CACNA2D2: variants seen among roughly 807,000 people sequenced by gnomAD.
CACNA2D2 encodes calcium voltage-gated channel auxiliary subunit alpha2delta 2.
In CACNA2D2, 48 loss-of-function variants were observed where a neutral mutation model predicts 166.4. The observed-to-expected ratio is 0.29, with a 90% confidence interval of 0.23 to 0.37. The LOEUF (loss-of-function observed/expected upper bound fraction) is 0.37, where lower values mean the gene tolerates loss of function less well. Among genes scored for constraint, CACNA2D2 ranks in the 10% least tolerant of loss-of-function variants. The pLI, the probability that CACNA2D2 is intolerant of heterozygous loss-of-function variation, is 1.00. For missense variants in CACNA2D2, 1,122 were observed against 1,433.0 expected, an observed-to-expected ratio of 0.78 and a Z score of 3.50; for synonymous variants, 561 against 573.7, an observed-to-expected ratio of 0.98 and a Z score of 0.32.
At chr3:50,469,796 A>G (rs1272259040) in intron 2 of CACNA2D2, among the ~76,000 whole-genome samples, 4 of 152,074 alleles carry the variant, frequency 2.6e-5, no homozygotes, top group Non-Finnish European at 4.4e-5. Flanking sequence ...CTAGGTTCAA[A>G]CCCAAATCCA....
intron 2 of CACNA2D2, among the ~76,000 whole-genome samples, chr3:50,474,434 G>C (rs1710225013): frequency 6.6e-6 from 1 of 152,144 alleles, no homozygotes; most frequent in South Asian, 2.1e-4. Context: ...GCTCACCCAG[G>C]GGCACATGAT....
intron 2 of CACNA2D2, among the ~76,000 whole-genome samples, chr3:50,442,254 T>G (rs1353745954): frequency 3.9e-5 from 6 of 152,092 alleles, no homozygotes; most frequent in Non-Finnish European, 8.8e-5. Flanking sequence ...GGGGGCACAC[T>G]CCAGTGTCCC....
Position 50,375,544 on chromosome 3 carries a change from C to T in CACNA2D2, c.1907+100G>A. ...TGAGCAGCCCTGGCCACTGGTGCCC[C>T]ACTGGGATGGTGGTCACAGTGGGAG... On this transcript the variant is annotated intron_variant, in intron 21 of 37. Transcript: ENST00000424201. This position sits in a 1 kb window ranked among gnomAD's most constrained non-coding sequence, Gnocchi z 4.0. 1 of 1,282,164 alleles carries T rather than the reference C, an allele frequency of 7.8e-7. No individual in the cohort carries two copies. The allele number at this position is 1,282,164 out of a possible 1,614,324, so 79.4% of individuals were successfully genotyped here. A position where few individuals can be genotyped will look rare whatever the true frequency, so the allele number is the denominator to read the frequency against.
At chr3:50,498,368 G>A (rs1698810784) in intron 1 of CACNA2D2, among the ~76,000 whole-genome samples, 3 of 152,202 alleles carry the variant, frequency 2.0e-5, no homozygotes, top group African/African-American at 4.8e-5. Flanking sequence ...ACTGCCAAGG[G>A]ACTAAAGGAG....
chr3:50,366,021 C>T lies in CACNA2D2; in HGVS notation c.2852G>A (p.Gly951Asp), dbSNP rs756463697. The change falls in exon 32 of 38, where the codon GGT (glycine) becomes GAT (aspartate). Residue 951 changes from glycine to aspartate, a missense_variant. Around this residue, in one of 2 missense-constraint regions of CACNA2D2, gnomAD observed 282 missense variants for 266.2 expected, o/e 1.06. Coordinates refer to ENST00000424201, the MANE Select transcript of CACNA2D2 (RefSeq NM_006030.4). The surrounding 1 kb of genome is among the most constrained non-coding windows in gnomAD (Gnocchi z 5.9). ...TCTCTGGGGACTCACCACAAAGACA[C>T]CCCGGGGTGCAGCACCCAGGTTGCC... ...PPGNLGAAPR[G>D]VFVPTVADFL... The T allele has an allele frequency of 1.2e-6, 2 of 1,612,378 alleles. No individual in the cohort carries two copies. The highest frequency in any genetic ancestry group is 1.7e-6 in the Non-Finnish European group (2 of 1,179,500).
At chr3:50,432,504 G>A (rs1387431089) in intron 3 of CACNA2D2, among the ~76,000 whole-genome samples, 4 of 152,254 alleles carry the variant, frequency 2.6e-5, no homozygotes, top group Non-Finnish European at 4.4e-5. Flanking sequence ...GAAGGAAGTG[G>A]GGTGGAGACA....
chr3:50,372,020 C>T (rs1256349021), intron 22 of CACNA2D2, among the ~76,000 whole-genome samples: 1 of 151,466 alleles, frequency 6.6e-6, no homozygotes, highest in Admixed American at 6.6e-5. Flanking sequence ...TTCTTGGGTG[C>T]CCCTGCTTCC....
intron 3 of CACNA2D2, among the ~76,000 whole-genome samples, chr3:50,424,970 G>A (rs1707740991): frequency 6.6e-6 from 1 of 152,120 alleles, no homozygotes; most frequent in Non-Finnish European, 1.5e-5. Context: ...CAGCACCCCT[G>A]TAAGCCAAGG....
Position 50,380,975 on chromosome 3 carries a change from G to A in CACNA2D2, c.784+20C>T. 2 of 1,613,264 alleles carry A rather than the reference G, an allele frequency of 1.2e-6. No homozygotes were observed. The highest frequency in any genetic ancestry group is 2.2e-5 in the South Asian group (2 of 91,012). Reference sequence around the variant, plus strand: ...AAAGGCGAGGTGCTGGGTAGACAGGGGACAGGGGCTGGTACCTACCCGGGT... The same window carrying A: ...AAAGGCGAGGTGCTGGGTAGACAGGAGACAGGGGCTGGTACCTACCCGGGT... On this transcript the variant is annotated intron_variant, in intron 7 of 37. Coordinates refer to ENST00000424201, the MANE Select transcript of CACNA2D2 (RefSeq NM_006030.4). The surrounding 1 kb of genome is among the most constrained non-coding windows in gnomAD (Gnocchi z 4.9).
chr3:50,372,851 C>T (rs996184579), intron 22 of CACNA2D2, among the ~76,000 whole-genome samples: 4 of 151,956 alleles, frequency 2.6e-5, no homozygotes, highest in African/African-American at 9.7e-5. Context: ...CGCCGGAGAA[C>T]ACCCTGCAGG....
intron 1 of CACNA2D2, among the ~76,000 whole-genome samples, chr3:50,494,898 A>G (rs963771666): frequency 2.0e-5 from 3 of 151,314 alleles, no homozygotes; most frequent in Non-Finnish European, 2.9e-5. Context: ...CTGATCTTCA[A>G]CTCCTGGGCT....
chr3:50,500,111 CCCA>C (rs1698895490), intron 1 of CACNA2D2, among the ~76,000 whole-genome samples: 2 of 152,182 alleles, frequency 1.3e-5, no homozygotes, highest in Admixed American at 6.5e-5. Flanking sequence ...ACACACGTCA[CCCA>C]CCATTAACCG....
intron 3 of CACNA2D2, among the ~76,000 whole-genome samples, chr3:50,396,620 G>C (rs1007221982): frequency 2.0e-5 from 3 of 152,134 alleles, no homozygotes; most frequent in South Asian, 2.1e-4. Flanking sequence ...TGTGTGACTT[G>C]TACGGTTCGC....
chr3:50,387,501 A>T, intron 5 of CACNA2D2, 67 bp downstream of exon 5: 1 of 1,330,874 alleles, frequency 7.5e-7, no homozygotes, highest in Non-Finnish European at 1.1e-6. Context: ...CTGAGTCCTA[A>T]CATCCATTTT....
At chr3:50,395,865 C>T (rs1385745162) in intron 3 of CACNA2D2, among the ~76,000 whole-genome samples, 1 of 152,118 alleles carries the variant, frequency 6.6e-6, no homozygotes, top group Non-Finnish European at 1.5e-5. Flanking sequence ...GTGGGGGAGG[C>T]TATGAGGCTG....
chr3:50,406,246 T>C (rs972265016), intron 3 of CACNA2D2, among the ~76,000 whole-genome samples: 1 of 151,848 alleles, frequency 6.6e-6, no homozygotes, highest in Non-Finnish European at 1.5e-5. Context: ...GCTGCCCCAC[T>C]GGCCGCAGGC....
chr3:50,490,827 T>A (rs920063420), intron 1 of CACNA2D2, among the ~76,000 whole-genome samples: 1 of 152,118 alleles, frequency 6.6e-6, no homozygotes, highest in Non-Finnish European at 1.5e-5. Context: ...CAAGGTCTAT[T>A]TCAGGACAAG....
intron 2 of CACNA2D2, among the ~76,000 whole-genome samples, chr3:50,446,192 C>G (rs930508411): frequency 6.6e-6 from 1 of 152,254 alleles, no homozygotes; most frequent in Non-Finnish European, 1.5e-5. Context: ...GGTGTGCCAC[C>G]TCCTTGTTGC....
intron 15 of CACNA2D2, 60 bp from the exon 16 acceptor site, chr3:50,377,863 T>C (rs368929549): frequency 1.3e-6 from 2 of 1,526,030 alleles, no homozygotes; most frequent in African/African-American, 2.7e-5. Flanking sequence ...ACCCTGAGTG[T>C]TCAGAGCAGG....
Sources: gnomAD v4.1 joint callset for allele counts (sites outside exome capture counted in the v4.1 genomes callset) on GRCh38, gnomAD v4.1.1 for gene constraint, gnomAD v4.1.1 regional missense constraint, Gnocchi (gnomAD v3.1) non-coding constraint, MANE v1.5 for transcripts, NCBI Gene and HGNC (gene_info 2026-07-23, HGNC 2026-07-21) for gene names.